Variants in PTPRT observed in about 807,000 individuals in gnomAD.
The protein encoded by PTPRT is receptor-type tyrosine-protein phosphatase T.
In PTPRT, 56 loss-of-function variants were observed where a neutral mutation model predicts 176.8. That is an observed-to-expected ratio of 0.32 (90% confidence interval 0.26 to 0.40). The LOEUF (loss-of-function observed/expected upper bound fraction) is 0.40. PTPRT is among the 10% of genes least tolerant of loss of function. The pLI, the probability that PTPRT is intolerant of heterozygous loss-of-function variation, is 1.00. For synonymous variants in PTPRT, 783 were observed against 739.0 expected (o/e 1.06, Z -0.96); for missense variants, 1,540 against 1,908.2 (o/e 0.81, Z 3.60).
chr20:42,130,427 T>C (rs185729610), intron 18 of PTPRT, among the ~76,000 whole-genome samples: 6 of 152,216 alleles, frequency 3.9e-5, no homozygotes, highest in Admixed American at 1.3e-4. Flanking sequence ...AGGAAGGCAA[T>C]TGTAGTTGTA....
At chr20:43,152,875 G>A (rs2014402291) in intron 1 of PTPRT, among the ~76,000 whole-genome samples, 1 of 151,934 alleles carries the variant, frequency 6.6e-6, no homozygotes, top group Non-Finnish European at 1.5e-5. Flanking sequence ...TCTACACTTG[G>A]CATTCAATTG....
intron 2 of PTPRT, among the ~76,000 whole-genome samples, chr20:42,857,996 C>T (rs2145782792): frequency 6.6e-6 from 1 of 152,282 alleles, no homozygotes; most frequent in Admixed American, 6.5e-5. Context: ...GAGCAAGGAG[C>T]TGGAGTATCT....
chr20:42,363,300 ATT>A (rs879370769), intron 9 of PTPRT, among the ~76,000 whole-genome samples: 20 of 30,530 alleles, frequency 6.6e-4, no homozygotes, highest in East Asian at 4.0e-3. Flanking sequence ...ATATATATAT[ATT>A]TTTTTTTTTT....
chr20:42,343,103 G>T (rs1314033618), intron 11 of PTPRT, among the ~76,000 whole-genome samples: 1 of 152,098 alleles, frequency 6.6e-6, no homozygotes, highest in Non-Finnish European at 1.5e-5. Flanking sequence ...ACCTAAGAAA[G>T]CAGGTCTCAT....
chr20:42,185,744 C>A (rs900472009), intron 16 of PTPRT, among the ~76,000 whole-genome samples: 1 of 152,132 alleles, frequency 6.6e-6, no homozygotes, highest in African/African-American at 2.4e-5. Flanking sequence ...GTCTGTTTAT[C>A]CAACTATTCA....
At chr20:42,173,864 C>A (rs915292906) in intron 16 of PTPRT, among the ~76,000 whole-genome samples, 2 of 152,130 alleles carry the variant, frequency 1.3e-5, no homozygotes, top group East Asian at 3.8e-4. Context: ...TATTCACCAT[C>A]CATTTATACT....
intron 7 of PTPRT, among the ~76,000 whole-genome samples, chr20:42,493,600 T>C (rs547709881): frequency 6.6e-6 from 1 of 152,162 alleles, no homozygotes; most frequent in African/African-American, 2.4e-5. Context: ...CACCAGGGCC[T>C]AAGGTCCTAA....
chr20:42,177,348 G>T (rs1297856532), intron 16 of PTPRT, among the ~76,000 whole-genome samples: 2 of 152,270 alleles, frequency 1.3e-5, no homozygotes, highest in Middle Eastern at 3.4e-3. Context: ...TCTTAAAAAA[G>T]CAAACATTAT....
At chr20:42,129,883 C>A (rs556697493) in intron 18 of PTPRT, among the ~76,000 whole-genome samples, 1 of 152,338 alleles carries the variant, frequency 6.6e-6, no homozygotes, top group East Asian at 1.9e-4. Context: ...CCATCCCCTG[C>A]ACCTTTAAAA....
chr20:43,017,005 G>T (rs1323171898), intron 1 of PTPRT, among the ~76,000 whole-genome samples: 3 of 152,104 alleles, frequency 2.0e-5, no homozygotes, highest in Admixed American at 1.3e-4. Flanking sequence ...ATTTAAGGAG[G>T]TGCCAAAACA....
intron 16 of PTPRT, among the ~76,000 whole-genome samples, chr20:42,166,004 T>G (rs1225033985): frequency 1.3e-5 from 2 of 152,258 alleles, no homozygotes; most frequent in African/African-American, 4.8e-5. Context: ...CAAAAATTAT[T>G]AATGCTATAT....
chr20:43,147,803 G>A (rs747134791), intron 1 of PTPRT, among the ~76,000 whole-genome samples: 97 of 152,134 alleles, frequency 6.4e-4, no homozygotes, highest in Non-Finnish European at 1.0e-3. Flanking sequence ...TTCATTCATC[G>A]ACCTCTCTTT....
chr20:42,079,719 G>A lies in PTPRT; in HGVS notation c.*1160C>T. The A allele has an allele frequency of 4.4e-6, 1 of 229,254 alleles. No homozygotes were observed. Among genetic ancestry groups the A allele is most frequent in the Non-Finnish European group, 8.7e-6 (1 of 115,548 alleles). 14.2% of individuals were successfully genotyped at this position (229,254 alleles called of 1,614,324 possible). On this transcript the variant is annotated 3_prime_UTR_variant, in exon 31 of 31. Transcript: ENST00000373187. ...TCAAGGTGGCTGCTGGGTTTCTTTA[G>A]GAAGGAGTTCAAATTTGGACATCCA...
chr20:42,520,862 T>A (rs758483114), intron 7 of PTPRT, among the ~76,000 whole-genome samples: 24 of 150,142 alleles, frequency 1.6e-4, no homozygotes, highest in Non-Finnish European at 3.1e-4. Context: ...GATAGATAGA[T>A]AGATAGATAG....
Position 42,515,431 on chromosome 20 carries a change from T to C in PTPRT, c.1154-42869A>G, listed in dbSNP as rs1241969958. ...TCAGGAGGGTGTGGTTGCAGTGAGC[T>C]GAGACTGGGCCACTACACTCCAGCC... On this transcript the variant is annotated intron_variant, in intron 7 of 30. Coordinates refer to ENST00000373187, the MANE Select transcript of PTPRT (RefSeq NM_007050.6). Among the ~76,000 whole-genome samples the C allele has an allele frequency of 5.9e-4, 89 of 152,094 alleles. 1 individual carries two copies. Among genetic ancestry groups the C allele is most frequent in the Non-Finnish European group, 1.3e-4 (9 of 68,012 alleles).
In PTPRT at chr20:42,786,933, A is replaced by G. The variant is rs762034038; in HGVS notation, c.486+4262T>C. ...AACTCTGGACATCATCAGCTTTATC[A>G]TGTACATCAGGGTTCAGCTATGGCC... is the stretch of plus-strand genomic sequence containing the variant. On this transcript the variant is annotated intron_variant, in intron 3 of 30. Transcript: ENST00000373187. Among the ~76,000 whole-genome samples, 131 of 152,308 alleles carry G rather than the reference A, an allele frequency of 8.6e-4. 1 individual carries two copies. The highest frequency in any genetic ancestry group is 1.6e-3 in the African/African-American group (67 of 41,560).
chr20:42,785,821 C>T (rs181556710), intron 3 of PTPRT, among the ~76,000 whole-genome samples: 13 of 152,100 alleles, frequency 8.5e-5, no homozygotes, highest in African/African-American at 2.4e-5. Context: ...TCTCTTTTTC[C>T]CTCTTTTCCT....
chr20:42,749,781 A>G (rs533982050), intron 6 of PTPRT, among the ~76,000 whole-genome samples: 1 of 152,350 alleles, frequency 6.6e-6, no homozygotes, highest in South Asian at 2.1e-4. Context: ...AAGCAAATGA[A>G]TACAGGAATG....
chr20:42,811,480 T>C (rs1266029677), intron 2 of PTPRT, among the ~76,000 whole-genome samples: 3 of 152,296 alleles, frequency 2.0e-5, no homozygotes, highest in African/African-American at 7.2e-5. Context: ...TTCAAATACT[T>C]CTTTACCAAG....
Sources: gnomAD v4.1 joint callset for allele counts (sites outside exome capture counted in the v4.1 genomes callset) on GRCh38, gnomAD v4.1.1 for gene constraint, MANE v1.5 for transcripts, NCBI Gene and HGNC (gene_info 2026-07-23, HGNC 2026-07-21) for gene names.